Variants in COMMD5 observed in about 807,000 individuals in gnomAD.
COMMD5 encodes COMM domain containing 5.
COMMD5 carries 10 observed loss-of-function variants against 6.9 expected under a neutral mutation model. That is an observed-to-expected ratio of 1.44 (90% CI 0.89 to 2.45). The LOEUF (loss-of-function observed/expected upper bound fraction) is 2.45. Among genes scored for constraint, COMMD5 ranks in the 30% most tolerant of loss-of-function variants. The pLI is 0.00. For synonymous variants in COMMD5, 127 were observed against 125.3 expected (o/e 1.01, Z -0.09); for missense variants, 234 against 287.8 (o/e 0.81, Z 1.35).
chr8:144,853,230 C>G (rs1436065919), upstream of COMMD5: 1 of 151,784 alleles, frequency 6.6e-6, no homozygotes, highest in Non-Finnish European at 1.5e-5. Flanking sequence ...TTTTCTTTCC[C>G]CAAAGAAAAA....
rs1047968862 is a variant in COMMD5, at chr8:144,851,158, C to G, written c.181G>C (p.Gly61Arg). ...LLKFVVSSLQ[G>R]EDCREAVQRL... The stretch of plus-strand genomic sequence containing the variant: ...TGCACAGCCTCTCGGCAGTCCTCCC[C>G]CTGCAGGCTGCTGACCACAAACTTC... The change falls in exon 2 of 2, where the codon GGG (glycine) becomes CGG (arginine). Residue 61 changes from glycine (G) to arginine (R), a missense_variant. Physicochemically the swap from Gly to Arg is moderately radical, Grantham distance 125. Transcript: ENST00000305103. The G allele has an allele frequency of 1.2e-6, 2 of 1,613,446 alleles. No homozygotes were observed. The highest frequency in any genetic ancestry group is 1.3e-5 in the African/African-American group (1 of 75,044).
intron 1 of COMMD5, chr8:144,842,141 A>G (rs1830012042): frequency 1.2e-6 from 2 of 1,614,024 alleles, no homozygotes. Context: ...GCCTTCAGCC[A>G]GCAGTCGCAG....
intron 1 of COMMD5, chr8:144,841,844 G>A (rs1475565274): frequency 2.5e-6 from 4 of 1,614,200 alleles, no homozygotes; most frequent in South Asian, 2.2e-5. Context: ...AACTGCCATG[G>A]AGAGAAGCCG....
downstream of COMMD5, chr8:144,838,948 A>G (rs1015538009): frequency 1.1e-4 from 16 of 151,104 alleles, no homozygotes; most frequent in African/African-American, 3.7e-4. Context: ...TCTCAAAAAA[A>G]AAAAAAAAAA....
At chr8:144,848,461 C>T (rs556363115), downstream of COMMD5, among the ~76,000 whole-genome samples, 22 of 145,162 alleles carry the variant, frequency 1.5e-4, no homozygotes, top group Admixed American at 1.0e-3. Flanking sequence ...CGTGCCACTG[C>T]ACACCAGCCT....
intron 1 of COMMD5, chr8:144,842,236 C>T (rs1216026152): frequency 6.2e-7 from 1 of 1,614,176 alleles, no homozygotes; most frequent in Non-Finnish European, 8.5e-7. Context: ...GAGCTCCACC[C>T]TAGCCCAGCA....
chr8:144,849,233 C>G (rs1830633862), downstream of COMMD5, among the ~76,000 whole-genome samples: 1 of 152,164 alleles, frequency 6.6e-6, no homozygotes, highest in East Asian at 1.9e-4. Flanking sequence ...TATTCCTGAT[C>G]CGATGACAGT....
chr8:144,841,633 A>G, exon 2 of COMMD5: 1 of 1,614,224 alleles, frequency 6.2e-7, no homozygotes, highest in Non-Finnish European at 8.5e-7. Context: ...GGAGCTGGGA[A>G]GCAGCGGCCT....
At chr8:144,852,521 CGCTGGGGGAGCCCAGGAGCTCCCCACGG>C (rs1052191355) in intron 1 of COMMD5, 22 of 152,354 alleles carry the variant, frequency 1.4e-4, no homozygotes, top group African/African-American at 4.3e-4. Context: ...CTCTGCACAG[CGCTGGGGGAGCCCAGGAGCTCCCCACGG>C]GCTTCACGGC....
chr8:144,844,273 AC>A (rs1012082326), intron 1 of COMMD5, among the ~76,000 whole-genome samples: 1 of 151,040 alleles, frequency 6.6e-6, no homozygotes, highest in African/African-American at 2.4e-5. Context: ...GCAAGTACCA[AC>A]CCCCCCATCC....
chr8:144,851,811 G>A (rs1261703273), intron 1 of COMMD5, among the ~76,000 whole-genome samples: 1 of 152,152 alleles, frequency 6.6e-6, no homozygotes, highest in Non-Finnish European at 1.5e-5. Flanking sequence ...CAGTGGGCAA[G>A]AAGAATTACC....
intron 1 of COMMD5, chr8:144,842,104 C>T: frequency 6.2e-7 from 1 of 1,614,162 alleles, no homozygotes; most frequent in Non-Finnish European, 8.5e-7. Context: ...AGGAGAGAGG[C>T]CCTATGGTTG....
chr8:144,852,631 C>G (rs561350399), intron 1 of COMMD5: 11 of 152,506 alleles, frequency 7.2e-5, no homozygotes, highest in African/African-American at 2.4e-4. Context: ...ACCAGGAGCT[C>G]CTTCCCACTC....
intron 1 of COMMD5, chr8:144,842,524 G>A (rs946662077): frequency 1.2e-6 from 2 of 1,614,176 alleles, no homozygotes; most frequent in African/African-American, 2.7e-5. Context: ...TAAATGTGAT[G>A]AGTGTGGCAA....
downstream of COMMD5, chr8:144,845,860 C>T (rs1286525066): frequency 2.1e-6 from 2 of 936,848 alleles, no homozygotes; most frequent in Non-Finnish European, 1.6e-6. Flanking sequence ...AGTATGTGTG[C>T]AGTGTCCCTG....
At chr8:144,838,148 A>G, downstream of COMMD5, 1 of 702,822 alleles carries the variant, frequency 1.4e-6, no homozygotes, top group Non-Finnish European at 2.6e-6. Context: ...TGGCTTGTGG[A>G]TGCGTCCCTC....
chr8:144,844,651 G>A (rs1325688748), intron 1 of COMMD5, among the ~76,000 whole-genome samples: 4 of 145,544 alleles, frequency 2.7e-5, no homozygotes, highest in Non-Finnish European at 6.0e-5. Context: ...AGAGCTTGCA[G>A]TGAGCCAAGA....
intron 1 of COMMD5, among the ~76,000 whole-genome samples, chr8:144,845,100 T>C (rs993196525): frequency 1.3e-5 from 2 of 152,128 alleles, no homozygotes; most frequent in African/African-American, 4.8e-5. Context: ...TGGATGTAAT[T>C]TATGGTGCGG....
Position 144,850,416 on chromosome 8 carries a change from A to C in COMMD5, c.*248T>G. 1.7e-5 allele frequency: 8 copies of C among 465,454 alleles called. No homozygotes were observed. The highest frequency in any genetic ancestry group is 3.6e-5 in the Admixed American group (1 of 27,470). 28.8% of individuals were successfully genotyped at this position (465,454 alleles called of 1,614,324 possible). ...AGCACCAAAGACAAATGTACAGGGAAGGGGAGGGTGTGAGGTCCAACACTC... is the reference window on the plus strand; with the variant it reads ...AGCACCAAAGACAAATGTACAGGGACGGGGAGGGTGTGAGGTCCAACACTC... On this transcript the variant is annotated 3_prime_UTR_variant, in exon 2 of 2. Coordinates refer to ENST00000305103, the MANE Select transcript of COMMD5 (RefSeq NM_014066.4). The surrounding 1 kb of genome is among the most constrained non-coding windows in gnomAD (Gnocchi z 4.0).
Sources: gnomAD v4.1 joint callset for allele counts (sites outside exome capture counted in the v4.1 genomes callset) on GRCh38, gnomAD v4.1.1 for gene constraint, Gnocchi (gnomAD v3.1) non-coding constraint, MANE v1.5 for transcripts, NCBI Gene and HGNC (gene_info 2026-07-23, HGNC 2026-07-21) for gene names.